Variants in DENND5A observed in about 807,000 individuals in gnomAD.
DENND5A encodes the protein DENN domain-containing protein 5A.
DENND5A carries 64 observed loss-of-function variants against 140.3 expected under a neutral mutation model. The observed-to-expected ratio is 0.46, with a 90% confidence interval of 0.37 to 0.56. The LOEUF (loss-of-function observed/expected upper bound fraction) is 0.56, where lower values mean the gene tolerates loss of function less well. DENND5A is among the 20% of genes least tolerant of loss of function. The pLI, the probability that DENND5A is intolerant of heterozygous loss-of-function variation, is 0.00. For synonymous variants in DENND5A, 605 were observed against 607.7 expected (o/e 1.00, Z 0.07); for missense variants, 1,292 against 1,593.8 (o/e 0.81, Z 3.22).
intron 5 of DENND5A, among the ~76,000 whole-genome samples, chr11:9,184,740 T>A (rs572580390): frequency 5.9e-5 from 9 of 152,368 alleles, no homozygotes; most frequent in Non-Finnish European, 1.5e-5. Context: ...ACGCAATGCC[T>A]GTTCATATCT....
rs1240871935 is a variant in DENND5A, at chr11:9,143,407, T to C, written c.3383A>G (p.Lys1128Arg). 6.2e-7 allele frequency: 1 copy of C among 1,613,800 alleles called. No individual in the cohort carries two copies. Among genetic ancestry groups the C allele is most frequent in the Non-Finnish European group, 8.5e-7 (1 of 1,179,772 alleles). Residue 1128 changes from lysine (K) to arginine (R), a missense_variant, in exon 20 of 23, where the codon AAA (lysine) becomes AGA (arginine). Around this residue, in one of 4 missense-constraint regions of DENND5A, gnomAD observed 498 missense variants for 689.7 expected, o/e 0.72. Coordinates refer to ENST00000328194, the MANE Select transcript of DENND5A (RefSeq NM_015213.4). ...TTGGAGGGCAGGAAGGCTCACCTCT[T>C]TCTCAGGCTTATGGAAGTGCTTCAC... is the stretch of plus-strand genomic sequence containing the variant. The part of the protein sequence containing the change: ...GIVKHFHKPE[K>R]ERGSLTLLLC...
chr11:9,243,116 A>AC (rs1695259959), intron 1 of DENND5A, among the ~76,000 whole-genome samples: 2 of 149,016 alleles, frequency 1.3e-5, no homozygotes, highest in East Asian at 3.9e-4. Context: ...AAAAAAAAAA[A>AC]CTGAGGCGAG....
chr11:9,203,829 C>G lies in DENND5A; in HGVS notation c.780G>C (p.Leu260Phe). 1.2e-6 allele frequency: 2 copies of G among 1,614,156 alleles called. No homozygotes were observed. Among genetic ancestry groups the G allele is most frequent in the Non-Finnish European group, 1.7e-6 (2 of 1,180,014 alleles). ...EVPLPPPGRS[L>F]KFSGVYGPII... ...TTGGCCCATAGACCCCAGAAAACTT[C>G]AAGGACCGGCCAGGAGGTGGGAGCG... Residue 260 changes from leucine to phenylalanine, a missense_variant, in exon 4 of 23, where the codon TTG (leucine) becomes TTC (phenylalanine). Around this residue, in one of 4 missense-constraint regions of DENND5A, gnomAD observed 566 missense variants for 650.4 expected, o/e 0.87. Coordinates refer to ENST00000328194, the MANE Select transcript of DENND5A (RefSeq NM_015213.4).
At position 9,144,254 on chromosome 11, in the gene DENND5A, C is replaced by A; in HGVS notation, c.3147G>T (p.Gly1049=). 1 of 1,614,112 alleles carries A rather than the reference C, an allele frequency of 6.2e-7. No homozygotes were observed. Residue 1049 remains glycine, a synonymous_variant, in exon 19 of 23, where the codon GGG becomes GGT. Transcript: ENST00000328194. ...CCAGGCTTCCATCATCCATGCCCTTCCCTAACCACCGGCCACACGGGAACC... is the reference window on the plus strand; with the variant it reads ...CCAGGCTTCCATCATCCATGCCCTTACCTAACCACCGGCCACACGGGAACC... ...TYKFPCGRWL[G]KGMDDGSLER...
At chr11:9,170,330 A>G in intron 9 of DENND5A, 1 of 973,032 alleles carries the variant, frequency 1.0e-6, no homozygotes, top group Non-Finnish European at 1.2e-6. Flanking sequence ...ATTAAATACA[A>G]TGCTAGCTTG....
rs750557731 is a variant in DENND5A at position 9,139,099 on chromosome 11, C to T, written c.*572G>A. 3 of 152,666 alleles carry T rather than the reference C, an allele frequency of 2.0e-5. No homozygotes were observed. The highest frequency in any genetic ancestry group is 4.4e-5 in the Non-Finnish European group (3 of 68,072). 9.5% of individuals were successfully genotyped at this position (152,666 alleles called of 1,614,324 possible). A position where few individuals can be genotyped will look rare whatever the true frequency, so the allele number is the denominator to read the frequency against. Reference sequence around the variant, plus strand: ...TGTGGTATTTGGCACGATGACACATCCCGGCATGTCTCCTTCCCAAACAAT... The same window carrying T: ...TGTGGTATTTGGCACGATGACACATTCCGGCATGTCTCCTTCCCAAACAAT... On this transcript the variant is annotated 3_prime_UTR_variant, in exon 23 of 23. Coordinates refer to ENST00000328194, the MANE Select transcript of DENND5A (RefSeq NM_015213.4).
At chr11:9,212,958 T>A (rs940455268) in intron 1 of DENND5A, among the ~76,000 whole-genome samples, 1 of 151,616 alleles carries the variant, frequency 6.6e-6, no homozygotes, top group African/African-American at 2.4e-5. Flanking sequence ...GTGATGGAAC[T>A]CTTTGATACC....
intron 12 of DENND5A, among the ~76,000 whole-genome samples, chr11:9,152,804 T>C (rs1590211361): frequency 6.7e-6 from 1 of 149,724 alleles, no homozygotes; most frequent in African/African-American, 2.5e-5. Flanking sequence ...AGGAGTTCGA[T>C]TCCAGCCTGG....
chr11:9,146,904 G>A lies in DENND5A; in HGVS notation c.2857+126C>T. 2.6e-6 allele frequency: 3 copies of A among 1,152,356 alleles called. No individual in the cohort carries two copies. The South Asian group carries it at 4.5e-5, about 17-fold the overall frequency. 71.4% of individuals were successfully genotyped at this position (1,152,356 alleles called of 1,614,324 possible). A position where few individuals can be genotyped will look rare whatever the true frequency, so the allele number is the denominator to read the frequency against. On this transcript the variant is annotated intron_variant, in intron 16 of 22. Coordinates refer to ENST00000328194, the MANE Select transcript of DENND5A (RefSeq NM_015213.4). ...GCAAGTGCACCTCTCTCCCCACAGA[G>A]GCAAAAGACAAATAGAAAGTACAAG... is the stretch of plus-strand genomic sequence containing the variant.
chr11:9,219,557 G>A (rs913587946), intron 1 of DENND5A, among the ~76,000 whole-genome samples: 3 of 151,970 alleles, frequency 2.0e-5, no homozygotes, highest in South Asian at 2.1e-4. Flanking sequence ...CTGCCAAAAC[G>A]AGAATTAACA....
At chr11:9,253,105 G>C (rs528446842) in intron 1 of DENND5A, among the ~76,000 whole-genome samples, 1 of 152,068 alleles carries the variant, frequency 6.6e-6, no homozygotes, top group South Asian at 2.1e-4. Context: ...TCCCCCACTC[G>C]GCCCCTCAAA....
intron 17 of DENND5A, 27 bp downstream of exon 17, chr11:9,145,643 A>G (rs1564879982): frequency 1.9e-6 from 3 of 1,613,626 alleles, no homozygotes; most frequent in Non-Finnish European, 2.5e-6. Context: ...AGATCCCCAC[A>G]GAGCTGTGGC....
At chr11:9,229,828 C>A (rs916646374) in intron 1 of DENND5A, among the ~76,000 whole-genome samples, 1 of 149,580 alleles carries the variant, frequency 6.7e-6, no homozygotes, top group African/African-American at 2.5e-5. Flanking sequence ...TTTCTTCATT[C>A]TTCATTGAGC....
rs1013070812 is a variant in DENND5A at position 9,197,791 on chromosome 11, T to C, written c.950-4110A>G. On this transcript the variant is annotated intron_variant, in intron 4 of 22. Transcript: ENST00000328194. ...TAAAAACTATTATTTTCATTAAGGA[T>C]ACACAAAAAATTGGATATCCAGCTA... Among the ~76,000 whole-genome samples the C allele has an allele frequency of 3.9e-5, 6 of 152,296 alleles. No homozygotes were observed. The East Asian group carries it at 7.7e-4, about 20-fold the overall frequency.
rs779638719 is a variant in DENND5A, at chr11:9,178,961, C to T, written c.1568G>A (p.Arg523His). ...NIQIREVFANRFTQMFADYEV... is the reference protein window; with the variant it reads ...NIQIREVFANHFTQMFADYEV... ...ATAATCTGCAAACATCTGAGTGAAA[C>T]GATTTGCAAAAACTTCCCGGATCTG... Residue 523 changes from arginine to histidine, a missense_variant, in exon 7 of 23, where the codon CGT becomes CAT. Arg to His is a conservative substitution (Grantham distance 29, BLOSUM62 0). Around this residue, in one of 4 missense-constraint regions of DENND5A, gnomAD observed 566 missense variants for 650.4 expected, o/e 0.87. Coordinates refer to ENST00000328194, the MANE Select transcript of DENND5A (RefSeq NM_015213.4). 5.0e-6 allele frequency: 8 copies of T among 1,613,954 alleles called. No individual in the cohort carries two copies. The highest frequency in any genetic ancestry group is 1.6e-4 in the Middle Eastern group (1 of 6,084).
chr11:9,220,507 A>C (rs1044309319), intron 1 of DENND5A, among the ~76,000 whole-genome samples: 1 of 152,062 alleles, frequency 6.6e-6, no homozygotes, highest in Non-Finnish European at 1.5e-5. Context: ...AGATCATGCC[A>C]TTGCACTCCA....
chr11:9,139,096 C>T lies in DENND5A; in HGVS notation c.*575G>A, dbSNP rs1847145005. 1 of 152,662 alleles carries T rather than the reference C, an allele frequency of 6.6e-6. No individual in the cohort carries two copies. 9.5% of individuals were successfully genotyped at this position (152,662 alleles called of 1,614,324 possible). A position where few individuals can be genotyped will look rare whatever the true frequency, so the allele number is the denominator to read the frequency against. ...AAATGTGGTATTTGGCACGATGACA[C>T]ATCCCGGCATGTCTCCTTCCCAAAC... On this transcript the variant is annotated 3_prime_UTR_variant, in exon 23 of 23. Coordinates refer to ENST00000328194, the MANE Select transcript of DENND5A (RefSeq NM_015213.4).
In DENND5A at chr11:9,151,667, C is replaced by T. The variant is rs1023735316; in HGVS notation, c.2521+691G>A. ...AAGGATGATGTGAAGGGGAGATGCA[C>T]CCAAGAAGTAAAAGAAGCAGGGAGA... On this transcript the variant is annotated intron_variant, in intron 13 of 22. Coordinates refer to ENST00000328194, the MANE Select transcript of DENND5A (RefSeq NM_015213.4). Among the ~76,000 whole-genome samples the T allele has an allele frequency of 3.3e-5, 5 of 152,234 alleles. No individual in the cohort carries two copies. In the South Asian group the frequency reaches 1.0e-3, roughly 32 times the overall value.
rs560419438 is a variant in DENND5A at position 9,239,765 on chromosome 11, G to A, written c.109+25196C>T. Among the ~76,000 whole-genome samples, 8 of 152,082 alleles carry A rather than the reference G, an allele frequency of 5.3e-5. No homozygotes were observed. The East Asian group carries it at 7.7e-4, about 15-fold the overall frequency. ...GCATGTGCTACCATGCCTGGCCAAC[G>A]TTTTATTTTTAAAGAGAGAAAAATG... is the stretch of plus-strand genomic sequence containing the variant. On this transcript the variant is annotated intron_variant, in intron 1 of 22. Transcript: ENST00000328194.
Sources: allele counts gnomAD v4.1 joint callset (sites outside exome capture counted in the v4.1 genomes callset), GRCh38; gene constraint gnomAD v4.1.1; regional missense constraint gnomAD v4.1.1; transcripts MANE v1.5; gene names NCBI Gene and HGNC (gene_info 2026-07-23, HGNC 2026-07-21).